Variants in ST6GALNAC5 observed in about 807,000 individuals in gnomAD.
The protein encoded by ST6GALNAC5 is alpha-N-acetylgalactosaminide alpha-2,6-sialyltransferase 5.
ST6GALNAC5 carries 27 observed loss-of-function variants against 33.6 expected under a neutral mutation model. The observed-to-expected ratio is 0.80, with a 90% CI of 0.59 to 1.11. The LOEUF (loss-of-function observed/expected upper bound fraction) is 1.11, where lower values mean the gene tolerates loss of function less well. Among genes scored for constraint, ST6GALNAC5 ranks in the 50% least tolerant of loss-of-function variants. ST6GALNAC5 has a pLI of 0.00. For missense variants in ST6GALNAC5, 428 were observed against 454.0 expected, an observed-to-expected ratio of 0.94 and a Z score of 0.52; for synonymous variants, 194 against 171.2, an observed-to-expected ratio of 1.13 and a Z score of -1.04.
chr1:77,061,658 C>G (rs1652578276), intron 4 of ST6GALNAC5, among the ~76,000 whole-genome samples: 1 of 152,198 alleles, frequency 6.6e-6, no homozygotes, highest in Non-Finnish European at 1.5e-5. Context: ...GAAACCTTGA[C>G]TAATCTTACC....
At position 76,933,341 on chromosome 1, in the gene ST6GALNAC5, C is replaced by A. The variant is rs370489281; in HGVS notation, c.261+64599C>A. 2.2e-3 allele frequency among the ~76,000 whole-genome samples: 335 copies of A among 152,048 alleles called. 3 individuals are homozygous for A. Among genetic ancestry groups the A allele is most frequent in the African/African-American group, 7.7e-3 (318 of 41,498 alleles). ...GCTATCTGCCTGGTGCTATTCTAGG[C>A]TCCAGATAAGGACCCCTGCTTCAGG... On this transcript the variant is annotated intron_variant, in intron 2 of 4. Coordinates refer to ENST00000477717, the MANE Select transcript of ST6GALNAC5 (RefSeq NM_030965.3).
At chr1:76,955,069 T>C (rs1475921286) in intron 2 of ST6GALNAC5, among the ~76,000 whole-genome samples, 1 of 152,062 alleles carries the variant, frequency 6.6e-6, no homozygotes, top group Non-Finnish European at 1.5e-5. Context: ...AATAAGCACA[T>C]TAGTGAAATG....
chr1:77,012,223 A>C (rs1204620424), intron 2 of ST6GALNAC5, among the ~76,000 whole-genome samples: 1 of 152,186 alleles, frequency 6.6e-6, no homozygotes, highest in Non-Finnish European at 1.5e-5. Context: ...ATAATGTTTA[A>C]GAGTTTTTTA....
At chr1:77,028,063 C>T (rs1651313319) in intron 2 of ST6GALNAC5, among the ~76,000 whole-genome samples, 1 of 152,178 alleles carries the variant, frequency 6.6e-6, no homozygotes, top group Admixed American at 6.5e-5. Context: ...TTTAACAATG[C>T]CTTTCTCCAG....
intron 2 of ST6GALNAC5, among the ~76,000 whole-genome samples, chr1:76,962,810 G>A (rs1262839245): frequency 1.3e-5 from 2 of 152,132 alleles, no homozygotes; most frequent in Non-Finnish European, 2.9e-5. Context: ...TTCATAATCT[G>A]AAAGAAACAG....
intron 2 of ST6GALNAC5, among the ~76,000 whole-genome samples, chr1:76,947,609 T>G (rs1647571105): frequency 6.6e-6 from 1 of 151,972 alleles, no homozygotes; most frequent in African/African-American, 2.4e-5. Context: ...TGGTGGCATG[T>G]GCCCATTGAC....
At chr1:77,044,071 G>A in intron 2 of ST6GALNAC5, 133 bp from the exon 3 acceptor site, 1 of 999,738 alleles carries the variant, frequency 1.0e-6, no homozygotes, top group South Asian at 1.7e-5. Flanking sequence ...TAGCAGAAGG[G>A]ATATACTCTG....
At chr1:76,911,324 G>A (rs916153774) in intron 2 of ST6GALNAC5, among the ~76,000 whole-genome samples, 2 of 152,116 alleles carry the variant, frequency 1.3e-5, no homozygotes, top group Non-Finnish European at 1.5e-5. Context: ...GCTTTTTGAT[G>A]TGCTGCTGGA....
chr1:77,055,363 T>C (rs973411015), intron 4 of ST6GALNAC5, among the ~76,000 whole-genome samples: 1 of 152,258 alleles, frequency 6.6e-6, no homozygotes. Context: ...TTAAGCTGGC[T>C]GGTTTTCCAC....
At chr1:76,907,401 G>T (rs1232578811) in intron 2 of ST6GALNAC5, among the ~76,000 whole-genome samples, 5 of 152,060 alleles carry the variant, frequency 3.3e-5, no homozygotes, top group South Asian at 2.1e-4. Context: ...GAGGCAGCAG[G>T]CTGTCAGATT....
intron 2 of ST6GALNAC5, among the ~76,000 whole-genome samples, chr1:76,913,654 T>A (rs1370716622): frequency 2.0e-5 from 3 of 152,248 alleles, no homozygotes; most frequent in East Asian, 1.9e-4. Flanking sequence ...CCCTTCTCGC[T>A]TCATTTCATT....
intron 2 of ST6GALNAC5, among the ~76,000 whole-genome samples, chr1:76,977,493 C>T (rs900077013): frequency 6.6e-6 from 1 of 152,166 alleles, no homozygotes; most frequent in African/African-American, 2.4e-5. Flanking sequence ...CCTTCCCCAG[C>T]CTCTGATAAC....
intron 2 of ST6GALNAC5, among the ~76,000 whole-genome samples, chr1:76,873,357 GTTTA>G (rs1256340766): frequency 1.3e-5 from 2 of 152,172 alleles, no homozygotes; most frequent in African/African-American, 2.4e-5. Context: ...TAATCTTAAA[GTTTA>G]TTTGTCTATT....
chr1:76,878,152 C>A (rs1242617450), intron 2 of ST6GALNAC5, among the ~76,000 whole-genome samples: 1 of 152,232 alleles, frequency 6.6e-6, no homozygotes, highest in African/African-American at 2.4e-5. Context: ...CTAATCTCTG[C>A]AATCCCTACA....
Position 76,867,542 on chromosome 1 carries a change from C to A in ST6GALNAC5, c.-134C>A. On this transcript the variant is annotated 5_prime_UTR_variant, in exon 1 of 5. Coordinates refer to ENST00000477717, the MANE Select transcript of ST6GALNAC5 (RefSeq NM_030965.3). ...CTTCCCGGGTCCCGCGGCTCCCGCG[C>A]GCGATCTGCCGCGGCCGGCTGCTGG... 2 of 1,427,600 alleles carry A rather than the reference C, an allele frequency of 1.4e-6. No individual in the cohort carries two copies. The highest frequency in any genetic ancestry group is 2.0e-6 in the Non-Finnish European group (2 of 1,013,832). The allele number at this position is 1,427,600 out of a possible 1,614,324, so 88.4% of individuals were successfully genotyped here.
rs988380007 is a variant in ST6GALNAC5 at position 77,064,354 on chromosome 1, C to T, written c.*1148C>T. On this transcript the variant is annotated 3_prime_UTR_variant, in exon 5 of 5. Transcript: ENST00000477717. ...GTCCACATGGGCTAAAATCTACCCC[C>T]TGCTTCTCTCGAAGCATCACCATCC... The T allele has an allele frequency of 6.6e-6, 1 of 152,136 alleles. No homozygotes were observed. Among genetic ancestry groups the T allele is most frequent in the Non-Finnish European group, 1.5e-5 (1 of 68,042 alleles). The allele number at this position is 152,136 out of a possible 1,614,324, so 9.4% of individuals were successfully genotyped here.
intron 2 of ST6GALNAC5, among the ~76,000 whole-genome samples, chr1:76,973,149 A>G (rs1648830724): frequency 6.6e-6 from 1 of 151,984 alleles, no homozygotes; most frequent in Admixed American, 6.6e-5. Flanking sequence ...TGGTATATAG[A>G]CAATTTTTCT....
chr1:76,959,913 G>T (rs775850692), intron 2 of ST6GALNAC5, among the ~76,000 whole-genome samples: 2 of 152,144 alleles, frequency 1.3e-5, no homozygotes, highest in Admixed American at 6.6e-5. Context: ...CACAAAAGGG[G>T]TTACAACAAA....
At chr1:76,911,520 A>G (rs947762419) in intron 2 of ST6GALNAC5, among the ~76,000 whole-genome samples, 1 of 152,122 alleles carries the variant, frequency 6.6e-6, no homozygotes, top group African/African-American at 2.4e-5. Flanking sequence ...AAGAAATGGT[A>G]CCAGTTCCTC....
Sources: allele counts gnomAD v4.1 joint callset (sites outside exome capture counted in the v4.1 genomes callset), GRCh38; gene constraint gnomAD v4.1.1; transcripts MANE v1.5; gene names NCBI Gene and HGNC (gene_info 2026-07-23, HGNC 2026-07-21).